Variants in PCDHA6 observed in about 807,000 individuals in gnomAD.
PCDHA6 encodes the protein protocadherin alpha 6.
A neutral mutation model predicts 60.3 loss-of-function variants in PCDHA6; 55 were observed. The ratio of observed to expected loss-of-function variants is 0.91; its 90% confidence interval spans 0.73 to 1.14. PCDHA6 has a LOEUF of 1.14. Among genes scored for constraint, PCDHA6 ranks in the 50% most tolerant of loss-of-function variants. The probability of loss-of-function intolerance (pLI) is 0.00; values close to 1 mark genes in which losing one functional copy is unlikely to be tolerated. For missense variants in PCDHA6, 1,327 were observed against 1,256.5 expected (o/e 1.06, Z -0.85); for synonymous variants, 652 against 557.9 (o/e 1.17, Z -2.38).
chr5:140,863,406 G>A (rs1228817689), intron 1 of PCDHA6: 1 of 800,564 alleles, frequency 1.2e-6, no homozygotes, highest in East Asian at 4.2e-5. Context: ...GCAAGCCCAC[G>A]CTGGTGTACC....
intron 1 of PCDHA6, among the ~76,000 whole-genome samples, chr5:140,896,328 A>G (rs1157543991): frequency 6.6e-6 from 1 of 152,138 alleles, no homozygotes; most frequent in Non-Finnish European, 1.5e-5. Flanking sequence ...CACAGTGGCT[A>G]AACTAATTTA....
At chr5:140,856,688 A>T in intron 1 of PCDHA6, 1 of 1,597,342 alleles carries the variant, frequency 6.3e-7, no homozygotes, top group Non-Finnish European at 8.6e-7. Context: ...GTTGACAGCA[A>T]CTGATGGAGG....
At chr5:140,861,700 T>C (rs2047027429) in intron 1 of PCDHA6, 1 of 222,356 alleles carries the variant, frequency 4.5e-6, no homozygotes, top group Non-Finnish European at 9.0e-6. Flanking sequence ...GTGTCTGTGA[T>C]GCCGACGTCG....
intron 1 of PCDHA6, among the ~76,000 whole-genome samples, chr5:140,837,516 C>CG (rs149634951): frequency 0.56 from 85,489 of 151,592 alleles, 24,966 homozygotes; most frequent in African/African-American, 0.67. Flanking sequence ...AAGCAGTTTA[C>CG]TTTTTTTGTA....
Position 140,830,110 on chromosome 5 carries a change from C to A in PCDHA6, c.2019C>A (p.Gly673=). 2 of 1,613,556 alleles carry A rather than the reference C, an allele frequency of 1.2e-6. No homozygotes were observed. The highest frequency in any genetic ancestry group is 1.7e-6 in the Non-Finnish European group (2 of 1,179,868). ...TTCTGGTGTCGCTGGTGGAGAGTGGCCAGGCTCCAAAGGCGTCATCACGGG... is the reference window on the plus strand; with the variant it reads ...TTCTGGTGTCGCTGGTGGAGAGTGGACAGGCTCCAAAGGCGTCATCACGGG... ...ATVLVSLVES[G]QAPKASSRAS... The change falls in exon 1 of 4, where the codon GGC becomes GGA. Residue 673 remains glycine (G), a synonymous_variant. Coordinates refer to ENST00000529310, the MANE Select transcript of PCDHA6 (RefSeq NM_018909.4).
chr5:140,830,290 G>T lies in PCDHA6; in HGVS notation c.2199G>T (p.Thr733=), dbSNP rs554863669. 1 of 1,613,848 alleles carries T rather than the reference G, an allele frequency of 6.2e-7. No individual in the cohort carries two copies. The highest frequency in any genetic ancestry group is 1.3e-5 in the African/African-American group (1 of 75,062). The part of the protein sequence containing the change: ...CSAPPTEGAC[T]ADKPTLVCSS... ...CGCCACCCACCGAGGGCGCGTGCAC[G>T]GCGGACAAGCCCACGCTGGTGTGCT... Residue 733 remains threonine, a synonymous_variant, in exon 1 of 4, where the codon ACG becomes ACT. Transcript: ENST00000529310.
intron 1 of PCDHA6, among the ~76,000 whole-genome samples, chr5:140,881,674 T>C (rs782706305): frequency 5.3e-5 from 8 of 152,254 alleles, no homozygotes; most frequent in Non-Finnish European, 1.0e-4. Context: ...TCTTATGTGA[T>C]TGTTATGTTT....
chr5:140,944,334 C>T (rs547924304), intron 1 of PCDHA6, among the ~76,000 whole-genome samples: 131 of 152,138 alleles, frequency 8.6e-4, no homozygotes, highest in African/African-American at 3.0e-3. Flanking sequence ...ATTACAAGCA[C>T]GTGCCACCAC....
intron 1 of PCDHA6, among the ~76,000 whole-genome samples, chr5:140,879,982 T>A (rs1554171120): frequency 1.3e-5 from 2 of 152,226 alleles, no homozygotes; most frequent in Non-Finnish European, 2.9e-5. Context: ...CCTTTCAAGA[T>A]CCTTAACTTA....
chr5:140,875,040 T>G (rs1369679625), intron 1 of PCDHA6, among the ~76,000 whole-genome samples: 1 of 152,234 alleles, frequency 6.6e-6, no homozygotes, highest in East Asian at 1.9e-4. Context: ...ATTTGAAAGA[T>G]TTCTACTTTG....
intron 1 of PCDHA6, among the ~76,000 whole-genome samples, chr5:140,846,400 A>T (rs1581110513): frequency 9.9e-6 from 1 of 101,082 alleles, no homozygotes; most frequent in Non-Finnish European, 1.8e-5. Flanking sequence ...TTTGAGACGG[A>T]GTCTCGCTCT....
intron 1 of PCDHA6, among the ~76,000 whole-genome samples, chr5:140,960,767 G>A (rs1160174091): frequency 1.3e-5 from 2 of 152,036 alleles, no homozygotes; most frequent in Admixed American, 6.6e-5. Context: ...GAGTTACAGA[G>A]GAGAAATAGG....
At chr5:140,836,032 C>A (rs1554135559) in intron 1 of PCDHA6, 2 of 1,613,416 alleles carry the variant, frequency 1.2e-6, no homozygotes, top group Non-Finnish European at 8.5e-7. Context: ...AGCAACGTGA[C>A]GCTGCAGGTG....
chr5:140,941,996 A>G (rs951664999), intron 1 of PCDHA6, among the ~76,000 whole-genome samples: 1 of 152,220 alleles, frequency 6.6e-6, no homozygotes, highest in Non-Finnish European at 1.5e-5. Flanking sequence ...AGGGATTCAT[A>G]TCTCTTATTA....
In PCDHA6 at chr5:141,009,782, C is replaced by G; in HGVS notation, c.2698C>G (p.Arg900Gly). ...AGGATCTCCTGCAATCATCTCCATC[C>G]GGCAGGAGCCTACTAACAGCCAAAT... ...IPGSPAIISI[R>G]QEPTNSQIDK... Residue 900 changes from arginine to glycine, a missense_variant, in exon 4 of 4, where the codon CGG becomes GGG. By Grantham distance (125) the Arg-to-Gly change is moderately radical. Transcript: ENST00000529310. 1.2e-6 allele frequency: 2 copies of G among 1,614,074 alleles called. No homozygotes were observed. Among genetic ancestry groups the G allele is most frequent in the Non-Finnish European group, 1.7e-6 (2 of 1,180,012 alleles).
intron 1 of PCDHA6, among the ~76,000 whole-genome samples, chr5:140,921,752 C>T (rs1429216387): frequency 6.6e-6 from 1 of 152,130 alleles, no homozygotes; most frequent in Non-Finnish European, 1.5e-5. Context: ...TAACAGGACA[C>T]TTCTTGGCTA....
In PCDHA6 at chr5:140,843,411, A is replaced by G. The variant is rs2150359358; in HGVS notation, c.2394+12926A>G. On this transcript the variant is annotated intron_variant, in intron 1 of 3. Transcript: ENST00000529310. The stretch of plus-strand genomic sequence containing the variant: ...CCGGAAGCGGCGCTGGTGGATGTCA[A>G]CGTGTACCTGATCATCGCCATCTGC... 2.5e-5 allele frequency: 40 copies of G among 1,596,006 alleles called. 6 individuals carry two copies. The highest frequency in any genetic ancestry group is 1.1e-4 in the African/African-American group (8 of 74,534).
chr5:140,893,432 C>T (rs1280374649), intron 1 of PCDHA6, among the ~76,000 whole-genome samples: 5 of 151,946 alleles, frequency 3.3e-5, no homozygotes, highest in Non-Finnish European at 7.4e-5. Flanking sequence ...GCAGGAAGAT[C>T]GCTTGAAGCC....
At chr5:140,862,360 G>A (rs920511235) in intron 1 of PCDHA6, 3 of 334,748 alleles carry the variant, frequency 9.0e-6, no homozygotes, top group Non-Finnish European at 1.8e-5. Context: ...AGGGACAGAC[G>A]ACCCGCACCC....
Sources: gnomAD v4.1 joint callset for allele counts (sites outside exome capture counted in the v4.1 genomes callset) on GRCh38, gnomAD v4.1.1 for gene constraint, MANE v1.5 for transcripts, NCBI Gene and HGNC (gene_info 2026-07-23, HGNC 2026-07-21) for gene names.